BMX: variants seen among roughly 807,000 people sequenced by gnomAD.
BMX encodes BMX non-receptor tyrosine kinase, also known as cytoplasmic tyrosine-protein kinase BMX.
BMX carries 31 observed loss-of-function variants against 59.2 expected under a neutral mutation model. The ratio of observed to expected loss-of-function variants is 0.52; its 90% confidence interval spans 0.39 to 0.71. The LOEUF (loss-of-function observed/expected upper bound fraction) is 0.71. Among genes scored for constraint, BMX ranks in the 30% least tolerant of loss-of-function variants. The probability of loss-of-function intolerance (pLI) is 0.00; values close to 1 mark genes in which losing one functional copy is unlikely to be tolerated. For missense variants in BMX, 474 were observed against 491.7 expected, an observed-to-expected ratio of 0.96 and a Z score of 0.34; for synonymous variants, 185 against 181.0, an observed-to-expected ratio of 1.02 and a Z score of -0.18.
chrX:15,538,501 C>G (rs1241779460), intron 14 of BMX, among the ~76,000 whole-genome samples: 3 of 111,882 alleles, frequency 2.7e-5, no homozygotes, highest in Non-Finnish European at 5.6e-5. Context: ...ATTGAGAGCA[C>G]TTTTTAAATT....
rs139052738 is a variant in BMX at position 15,522,476 on chromosome X, C to T, written c.641C>T (p.Ala214Val). 1.5e-3 allele frequency: 1,788 copies of T among 1,210,948 alleles called. 17 individuals carry two copies. The South Asian group carries it at 0.022, about 15-fold the overall frequency. ...CCACCATCTTCAAGTACCAGTCTAG[C>T]GCAATATGACAGCAACTCAAAGAAA... ...SQPPSSSTSL[A>V]QYDSNSKKIY... Residue 214 changes from alanine to valine, a missense_variant, in exon 7 of 19, where the codon GCG becomes GTG. Physicochemically the swap from Ala to Val is moderately conservative, Grantham distance 64 (BLOSUM62 0). Coordinates refer to ENST00000348343, the MANE Select transcript of BMX (RefSeq NM_203281.3).
At position 15,543,209 on chromosome X, in the gene BMX, G is replaced by C. The variant is rs137872414; in HGVS notation, c.1676+74G>C. 1,077 of 1,004,671 alleles carry C rather than the reference G, an allele frequency of 1.1e-3. 3 individuals carry two copies. In the African/African-American group the frequency reaches 0.018, roughly 17 times the overall value. The allele number at this position is 1,004,671 out of a possible 1,213,427, so 82.8% of individuals were successfully genotyped here. On this transcript the variant is annotated intron_variant, in intron 16 of 18. Transcript: ENST00000348343. ...CATTTGAACACCATCATAATTGAAGGCTTTGTGGGGATATAGAAGGTGCTC... is the reference window on the plus strand; with the variant it reads ...CATTTGAACACCATCATAATTGAAGCCTTTGTGGGGATATAGAAGGTGCTC...
intron 16 of BMX, among the ~76,000 whole-genome samples, chrX:15,544,402 C>T (rs1227624388): frequency 9.1e-6 from 1 of 109,890 alleles, no homozygotes; most frequent in African/African-American, 3.3e-5. Flanking sequence ...GTAGCTTTCT[C>T]AAGAGCAAGA....
At chrX:15,543,606 T>C (rs1925803848) in intron 16 of BMX, among the ~76,000 whole-genome samples, 1 of 106,248 alleles carries the variant, frequency 9.4e-6, no homozygotes, top group Non-Finnish European at 1.9e-5. Flanking sequence ...TATAATTTTT[T>C]AACTCAATCA....
At chrX:15,545,501 C>T (rs891176596) in intron 16 of BMX, among the ~76,000 whole-genome samples, 1 of 112,248 alleles carries the variant, frequency 8.9e-6, no homozygotes, top group African/African-American at 3.2e-5. Flanking sequence ...TTAGGTTGTG[C>T]GCATGCTCAT....
intron 8 of BMX, among the ~76,000 whole-genome samples, 173 bp from the exon 9 acceptor site, chrX:15,525,869 C>T (rs970447994): frequency 8.9e-6 from 1 of 112,306 alleles, no homozygotes; most frequent in African/African-American, 3.2e-5. Context: ...TTGAGTGACT[C>T]TCTCTTTACT....
At chrX:15,517,249 T>C (rs189076395) in intron 5 of BMX, among the ~76,000 whole-genome samples, 1 of 112,298 alleles carries the variant, frequency 8.9e-6, no homozygotes, top group Non-Finnish European at 1.9e-5. Flanking sequence ...TCATGAATTA[T>C]AGTTATTTAA....
At chrX:15,518,085 A>T in intron 6 of BMX, 92 bp downstream of exon 6, 2 of 738,260 alleles carry the variant, frequency 2.7e-6, no homozygotes, top group Admixed American at 5.9e-5. Flanking sequence ...TGTGGAATTC[A>T]TTTAGACTTC....
rs1925346596 is a variant in BMX at position 15,536,409 on chromosome X, T to G, written c.1204T>G (p.Ser402Ala). 1 of 1,207,827 alleles carries G rather than the reference T, an allele frequency of 8.3e-7. No homozygotes were observed. The highest frequency in any genetic ancestry group is 1.1e-6 in the Non-Finnish European group (1 of 893,069). ...AACAAAGGCCAACAAGGTCCCCGAC[T>G]CTGTGTCCCTGGGAAATGGTATGGA... is the stretch of plus-strand genomic sequence containing the variant. ...VSTKANKVPDSVSLGNGIWEL... is the reference protein window; with the variant it reads ...VSTKANKVPDAVSLGNGIWEL... Residue 402 changes from serine (S) to alanine (A), a missense_variant, in exon 13 of 19, where the codon TCT becomes GCT. Coordinates refer to ENST00000348343, the MANE Select transcript of BMX (RefSeq NM_203281.3).
At chrX:15,544,328 G>A (rs1011224973) in intron 16 of BMX, among the ~76,000 whole-genome samples, 1 of 110,181 alleles carries the variant, frequency 9.1e-6, no homozygotes, top group African/African-American at 3.3e-5. Context: ...CCTTTTAGCT[G>A]TGTACTAGCT....
rs1924501120 is a variant in BMX, at chrX:15,522,357, T to G, written c.522T>G (p.Pro174=). The change falls in exon 7 of 19, where the codon CCT becomes CCG. Residue 174 remains proline (P), a synonymous_variant. Coordinates refer to ENST00000348343, the MANE Select transcript of BMX (RefSeq NM_203281.3). ...CTTCCCCTCCAAAGCTGAAGATACC[T>G]CGGGCAGTTCCTGTTCTCAAAATGG... ...PTFPDRVLKI[P]RAVPVLKMDA... 1 of 1,209,634 alleles carries G rather than the reference T, an allele frequency of 8.3e-7. No homozygotes were observed. The highest frequency in any genetic ancestry group is 2.2e-5 in the Admixed American group (1 of 45,659).
Position 15,522,352 on chromosome X carries a change from A to G in BMX, c.517A>G (p.Ile173Val). The G allele has an allele frequency of 8.3e-7, 1 of 1,211,083 alleles. No homozygotes were observed. The highest frequency in any genetic ancestry group is 1.7e-5 in the African/African-American group (1 of 57,727). Residue 173 changes from isoleucine to valine, a missense_variant, in exon 7 of 19, where the codon ATA (isoleucine) becomes GTA (valine). Physicochemically the swap from Ile to Val is conservative, Grantham distance 29. Coordinates refer to ENST00000348343, the MANE Select transcript of BMX (RefSeq NM_203281.3). ...VPTFPDRVLKIPRAVPVLKMD... is the reference protein window; with the variant it reads ...VPTFPDRVLKVPRAVPVLKMD... ...AATTTCTTCCCCTCCAAAGCTGAAG[A>G]TACCTCGGGCAGTTCCTGTTCTCAA...
At chrX:15,534,165 A>G (rs1448536998) in intron 11 of BMX, 47 bp from the exon 12 acceptor site, 2 of 1,057,335 alleles carry the variant, frequency 1.9e-6, no homozygotes, top group Non-Finnish European at 2.5e-6. Context: ...TGCTTAATCA[A>G]GCTTTATTGT....
chrX:15,531,388 T>A lies in BMX; in HGVS notation c.1000T>A (p.Leu334Ile), dbSNP rs777574174. 8.3e-7 allele frequency: 1 copy of A among 1,204,901 alleles called. No individual in the cohort carries two copies. The highest frequency in any genetic ancestry group is 1.1e-6 in the Non-Finnish European group (1 of 889,617). Residue 334 changes from leucine (L) to isoleucine (I), a missense_variant, in exon 11 of 19, where the codon TTA becomes ATA. Leu to Ile is a conservative substitution (Grantham distance 5). Coordinates refer to ENST00000348343, the MANE Select transcript of BMX (RefSeq NM_203281.3). ...CCAAGTGGGAATGTACACAGTGTCC[T>A]TATTTAGTAAGGCTGTGAAGTAAGT... ...SSQVGMYTVS[L>I]FSKAVNDKKG...
At chrX:15,538,707 A>G (rs911281357) in intron 14 of BMX, among the ~76,000 whole-genome samples, 4 of 112,130 alleles carry the variant, frequency 3.6e-5, no homozygotes, top group Non-Finnish European at 7.5e-5. Flanking sequence ...AAAAGCAGAG[A>G]TACAAACCCA....
At chrX:15,525,946 G>T (rs1924700005) in intron 8 of BMX, 96 bp from the exon 9 acceptor site, 1 of 725,497 alleles carries the variant, frequency 1.4e-6, no homozygotes, top group South Asian at 2.9e-5. Context: ...TATTTAGGTG[G>T]ATAAAATCAG....
At chrX:15,537,022 C>T (rs1009678385) in intron 13 of BMX, 112 bp from the exon 14 acceptor site, 53 of 790,054 alleles carry the variant, frequency 6.7e-5, no homozygotes, top group Non-Finnish European at 9.2e-5. Flanking sequence ...AATAAAAAGT[C>T]TTGTTTATAT....
At chrX:15,518,124 T>G in intron 6 of BMX, 131 bp downstream of exon 6, 1 of 471,020 alleles carries the variant, frequency 2.1e-6, no homozygotes. Context: ...CCATGAGCTC[T>G]AGATAATAGC....
rs750402294 is a variant in BMX at position 15,526,584 on chromosome X, A to ATT, written c.884+506_884+507dup. Among the ~76,000 whole-genome samples the ATT allele has an allele frequency of 7.8e-3, 713 of 91,674 alleles. 8 individuals carry two copies. Among genetic ancestry groups the ATT allele is most frequent in the African/African-American group, 0.028 (687 of 24,484 alleles). The allele number at this position is 91,674 out of a possible 115,157, so 79.6% of individuals were successfully genotyped here. ...TCTCTATTCTTAGGATGACCTTGTCATTTTTTTTTTTTTTTTTTGAGACAG... is the reference window on the plus strand; with the variant it reads ...TCTCTATTCTTAGGATGACCTTGTCATTTTTTTTTTTTTTTTTTTTGAGACAG... On this transcript the variant is annotated intron_variant, in intron 9 of 18. Transcript: ENST00000348343.
Sources: gnomAD v4.1 joint callset for allele counts (sites outside exome capture counted in the v4.1 genomes callset) on GRCh38, gnomAD v4.1.1 for gene constraint, MANE v1.5 for transcripts, NCBI Gene and HGNC (gene_info 2026-07-23, HGNC 2026-07-21) for gene names.